The following DENND4A variants were observed in gnomAD, a reference collection of about 807,000 sequenced individuals.
DENND4A encodes the protein DENN domain containing 4A, also known as C-myc promoter-binding protein.
A neutral mutation model predicts 199.3 loss-of-function variants in DENND4A; 70 were observed. The observed-to-expected ratio is 0.35, with a 90% CI of 0.29 to 0.43. The LOEUF (loss-of-function observed/expected upper bound fraction) is 0.43. Ranked by LOEUF, DENND4A falls within the 20% of genes least tolerant of loss-of-function variation. The pLI is 1.00. For synonymous variants in DENND4A, 686 were observed against 766.9 expected, an observed-to-expected ratio of 0.89 and a Z score of 1.74; for missense variants, 1,723 against 2,255.8, an observed-to-expected ratio of 0.76 and a Z score of 4.78.
chr15:65,667,926 G>A lies in DENND4A; in HGVS notation c.4985C>T (p.Thr1662Ile). 1 of 1,604,776 alleles carries A rather than the reference G, an allele frequency of 6.2e-7. No homozygotes were observed. The highest frequency in any genetic ancestry group is 8.5e-7 in the Non-Finnish European group (1 of 1,177,940). Reference protein sequence around the residue: ...GSLPATLQGATDSLGLEWHLP... With the variant: ...GSLPATLQGAIDSLGLEWHLP... ...AAAAAAATACACCAAAATACATACT[G>A]TAGCTCCTTGTAAAGTAGCTGGCAG... Residue 1662 changes from threonine to isoleucine, a missense_variant and splice_region_variant, in exon 28 of 33, where the codon ACA (threonine) becomes ATA (isoleucine). Coordinates refer to ENST00000443035, the MANE Select transcript of DENND4A (RefSeq NM_001320835.1).
At chr15:65,710,799 G>C (rs1215709565) in intron 14 of DENND4A, among the ~76,000 whole-genome samples, 1 of 152,200 alleles carries the variant, frequency 6.6e-6, no homozygotes, top group East Asian at 1.9e-4. Flanking sequence ...CTCATAGCTT[G>C]GTTCTGTCTT....
chr15:65,712,977 T>C (rs889394468), intron 14 of DENND4A, among the ~76,000 whole-genome samples: 2 of 152,176 alleles, frequency 1.3e-5, no homozygotes, highest in Admixed American at 6.5e-5. Context: ...GCTGAGCTGA[T>C]GACCCATCAT....
chr15:65,671,820 G>T lies in DENND4A; in HGVS notation c.4436C>A (p.Thr1479Lys), dbSNP rs778571285. 7 of 1,611,354 alleles carry T rather than the reference G, an allele frequency of 4.3e-6. No homozygotes were observed. Among genetic ancestry groups the T allele is most frequent in the Non-Finnish European group, 5.9e-6 (7 of 1,177,454 alleles). ...CATTGCATAGTTCTGGAAGATATTT[G>T]TATTACTCGCGTTGAAGGAAGATGT... ...EVTSSFNASN[T>K]NIFQNYAMEV... Residue 1479 changes from threonine (T) to lysine (K), a missense_variant, in exon 25 of 33, where the codon ACA becomes AAA. Around this residue, in one of 6 missense-constraint regions of DENND4A, gnomAD observed 650 missense variants for 738.1 expected, o/e 0.88. Transcript: ENST00000443035.
chr15:65,788,473 T>C (rs2077626935), intron 1 of DENND4A, among the ~76,000 whole-genome samples: 2 of 152,190 alleles, frequency 1.3e-5, no homozygotes, highest in African/African-American at 2.4e-5. Flanking sequence ...TTGCTAACAA[T>C]GAATCTTAAG....
chr15:65,676,705 C>T (rs2076393676), intron 23 of DENND4A, 71 bp from the exon 24 acceptor site: 1 of 1,217,994 alleles, frequency 8.2e-7, no homozygotes, highest in African/African-American at 1.5e-5. Flanking sequence ...ACTTCTAAGG[C>T]AGAAAAAACA....
chr15:65,726,721 C>T (rs1251428307), intron 11 of DENND4A, among the ~76,000 whole-genome samples: 3 of 151,892 alleles, frequency 2.0e-5, no homozygotes, highest in Non-Finnish European at 1.5e-5. Context: ...TTTGGGAGGC[C>T]GAGGCAGGCA....
In DENND4A at chr15:65,729,670, T is replaced by C; in HGVS notation, c.1175A>G (p.Lys392Arg). The C allele has an allele frequency of 6.5e-7, 1 of 1,549,446 alleles. No homozygotes were observed. The highest frequency in any genetic ancestry group is 8.7e-7 in the Non-Finnish European group (1 of 1,146,602). Residue 392 changes from lysine to arginine, a missense_variant, in exon 10 of 33, where the codon AAG becomes AGG. By Grantham distance (26) the Lys-to-Arg change is conservative. This residue lies in a region of DENND4A where 725 missense variants were observed against 952.9 expected (regional missense o/e 0.76). Coordinates refer to ENST00000443035, the MANE Select transcript of DENND4A (RefSeq NM_001320835.1). ...VSSPLPLSGGKFSTLLQNLGP... is the reference protein window; with the variant it reads ...VSSPLPLSGGRFSTLLQNLGP... ...TAAATTCTGCAGTAGTGTTGAAAAC[T>C]TGCCACCACTGTCAATCCAAACAAA...
At chr15:65,771,454 A>C (rs1193550626) in intron 1 of DENND4A, 7 of 1,603,974 alleles carry the variant, frequency 4.4e-6, no homozygotes, top group Non-Finnish European at 3.4e-6. Flanking sequence ...GCGTTTTAAT[A>C]GTTTGCCCTG....
At chr15:65,780,165 G>A (rs1387456332) in intron 1 of DENND4A, among the ~76,000 whole-genome samples, 2 of 152,174 alleles carry the variant, frequency 1.3e-5, no homozygotes, top group Non-Finnish European at 2.9e-5. Flanking sequence ...GCCTCCCAAA[G>A]CGTTGGGATT....
At position 65,664,478 on chromosome 15, in the gene DENND4A, A is replaced by G. The variant is rs953466057; in HGVS notation, c.5522+82T>C. 1.6e-5 allele frequency: 25 copies of G among 1,528,368 alleles called. No homozygotes were observed. In the East Asian group the frequency reaches 2.0e-4, roughly 12 times the overall value. The allele number at this position is 1,528,368 out of a possible 1,614,324, so 94.7% of individuals were successfully genotyped here. A position where few individuals can be genotyped will look rare whatever the true frequency, so the allele number is the denominator to read the frequency against. ...TAAAAAATTTAATGCTATCATAAGC[A>G]TGAGATATTCTAACAAATTACTAAG... On this transcript the variant is annotated intron_variant, in intron 31 of 32. Coordinates refer to ENST00000443035, the MANE Select transcript of DENND4A (RefSeq NM_001320835.1).
intron 24 of DENND4A, among the ~76,000 whole-genome samples, chr15:65,674,689 G>C (rs2076319102): frequency 1.3e-5 from 2 of 150,482 alleles, no homozygotes; most frequent in South Asian, 4.2e-4. Flanking sequence ...AGCCATGACT[G>C]TGCCACTGTA....
At chr15:65,665,123 CAAAACAAAAAACAA>C (rs759289167) in intron 30 of DENND4A, 20 of 465,684 alleles carry the variant, frequency 4.3e-5, no homozygotes, top group Non-Finnish European at 6.7e-5. Context: ...AAAACCAAAC[CAAAACAAAAAACAA>C]AAAACAAAAA....
intron 1 of DENND4A, among the ~76,000 whole-genome samples, chr15:65,778,182 G>A (rs1196509992): frequency 6.6e-6 from 1 of 152,102 alleles, no homozygotes; most frequent in Non-Finnish European, 1.5e-5. Flanking sequence ...CTATTACAAA[G>A]TTCTGGTGTC....
intron 24 of DENND4A, among the ~76,000 whole-genome samples, chr15:65,672,925 A>C (rs988953085): frequency 6.6e-6 from 1 of 150,376 alleles, no homozygotes; most frequent in African/African-American, 2.5e-5. Flanking sequence ...CAGTAGCCTG[A>C]TCTCGGCTAA....
intron 1 of DENND4A, among the ~76,000 whole-genome samples, chr15:65,779,325 G>A (rs946472693): frequency 1.3e-5 from 2 of 150,966 alleles, no homozygotes; most frequent in African/African-American, 2.4e-5. Flanking sequence ...GCATGGTGGT[G>A]CACACCTATA....
At chr15:65,738,629 C>T (rs1000385985) in intron 6 of DENND4A, 77 bp downstream of exon 6, 1 of 1,244,730 alleles carries the variant, frequency 8.0e-7, no homozygotes, top group Non-Finnish European at 1.1e-6. Flanking sequence ...CAGTTTTTCC[C>T]CTACTATTCC....
At chr15:65,692,541 G>A (rs2077009240) in intron 22 of DENND4A, among the ~76,000 whole-genome samples, 1 of 152,154 alleles carries the variant, frequency 6.6e-6, no homozygotes, top group Non-Finnish European at 1.5e-5. Flanking sequence ...CTTGTCATGT[G>A]ATGCATGCAA....
At chr15:65,703,062 T>C (rs1191226108) in intron 15 of DENND4A, 54 bp from the exon 16 acceptor site, 1 of 1,528,060 alleles carries the variant, frequency 6.5e-7, no homozygotes, top group Non-Finnish European at 8.9e-7. Flanking sequence ...CACACATAGA[T>C]GATCATAGTG....
At chr15:65,687,723 G>A (rs2076838234) in intron 23 of DENND4A, among the ~76,000 whole-genome samples, 1 of 152,100 alleles carries the variant, frequency 6.6e-6, no homozygotes, top group African/African-American at 2.4e-5. Flanking sequence ...AAAAGTGCAT[G>A]GGTACATTCA....
Sources: allele counts gnomAD v4.1 joint callset (sites outside exome capture counted in the v4.1 genomes callset), GRCh38; gene constraint gnomAD v4.1.1; regional missense constraint gnomAD v4.1.1; transcripts MANE v1.5; gene names NCBI Gene and HGNC (gene_info 2026-07-23, HGNC 2026-07-21).